BIRC6: variants seen among roughly 807,000 people sequenced by gnomAD.
BIRC6 encodes the protein baculoviral IAP repeat containing 6.
In BIRC6, 98 loss-of-function variants were observed where a neutral mutation model predicts 503.3. The observed-to-expected ratio is 0.19, with a 90% CI of 0.17 to 0.23. BIRC6 has a LOEUF of 0.23. Ranked by LOEUF, BIRC6 falls within the 10% of genes least tolerant of loss-of-function variation. BIRC6 has a pLI of 1.00. For missense variants in BIRC6, 5,360 were observed against 5,806.0 expected (o/e 0.92, Z 2.50); for synonymous variants, 2,240 against 2,078.7 (o/e 1.08, Z -2.11).
At chr2:32,518,181 C>G in intron 55 of BIRC6, 73 bp from the exon 56 acceptor site, 1 of 1,369,192 alleles carries the variant, frequency 7.3e-7, no homozygotes, top group Middle Eastern at 1.9e-4. Context: ...TTTTCTGTTT[C>G]CTTTTTATCT....
At chr2:32,439,376 C>G in intron 15 of BIRC6, 132 bp from the exon 16 acceptor site, 1 of 859,556 alleles carries the variant, frequency 1.2e-6, no homozygotes, top group Non-Finnish European at 1.8e-6. Flanking sequence ...TCTGCTCAAA[C>G]AGTATAATTT....
At chr2:32,594,251 A>C in intron 67 of BIRC6, 191 bp downstream of exon 67, 1 of 524,218 alleles carries the variant, frequency 1.9e-6, no homozygotes, top group South Asian at 3.4e-5. Context: ...ATTTTTAAAC[A>C]TTTCTACTAT....
chr2:32,561,840 G>A (rs996025367), intron 65 of BIRC6, among the ~76,000 whole-genome samples: 4 of 150,736 alleles, frequency 2.7e-5, no homozygotes, highest in Admixed American at 6.6e-5. Context: ...TCAGGAGTTC[G>A]AGACCAGCCT....
At chr2:32,390,544 A>G (rs1010810198) in intron 4 of BIRC6, among the ~76,000 whole-genome samples, 1 of 151,922 alleles carries the variant, frequency 6.6e-6, no homozygotes, top group African/African-American at 2.4e-5. Context: ...CGAACTCCTG[A>G]CCTCAAGGTG....
intron 21 of BIRC6, among the ~76,000 whole-genome samples, chr2:32,448,379 G>A (rs1460057592): frequency 1.4e-5 from 2 of 146,904 alleles, no homozygotes; most frequent in Admixed American, 6.8e-5. Flanking sequence ...CTGAGTGAAC[G>A]AGACTCCGTC....
Position 32,415,085 on chromosome 2 carries a change from G to C in BIRC6, c.1794G>C (p.Gln598His). 6.2e-7 allele frequency: 1 copy of C among 1,613,862 alleles called. No individual in the cohort carries two copies. The highest frequency in any genetic ancestry group is 8.5e-7 in the Non-Finnish European group (1 of 1,179,844). The change falls in exon 10 of 74, where the codon CAG (glutamine) becomes CAC (histidine). Residue 598 changes from glutamine to histidine, a missense_variant. Gln to His is a conservative substitution (Grantham distance 24). This residue lies in a region of BIRC6 where 700 missense variants were observed against 739.3 expected (regional missense o/e 0.95). Coordinates refer to ENST00000421745, the MANE Select transcript of BIRC6 (RefSeq NM_016252.4). ...HRSLDGLSRT[Q>H]GESISEQGST... ...CACTGGATGGTTTAAGCAGAACTCAGGGTGAAAGTATATCAGAACAAGGGT... is the reference window on the plus strand; with the variant it reads ...CACTGGATGGTTTAAGCAGAACTCACGGTGAAAGTATATCAGAACAAGGGT...
At chr2:32,561,885 T>C (rs1359027195) in intron 65 of BIRC6, among the ~76,000 whole-genome samples, 1 of 151,620 alleles carries the variant, frequency 6.6e-6, no homozygotes. Context: ...TTACTAAAAA[T>C]ACAAAAACTA....
At chr2:32,412,985 G>C (rs1243614850) in intron 9 of BIRC6, among the ~76,000 whole-genome samples, 2 of 151,504 alleles carry the variant, frequency 1.3e-5, no homozygotes, top group African/African-American at 4.8e-5. Flanking sequence ...AAATTGCCAA[G>C]AGAATATATT....
chr2:32,467,514 T>G lies in BIRC6; in HGVS notation c.5357-11T>G, dbSNP rs2048688976. The G allele has an allele frequency of 1.2e-6, 2 of 1,610,296 alleles. No homozygotes were observed. Among genetic ancestry groups the G allele is most frequent in the South Asian group, 2.2e-5 (2 of 90,800 alleles). On this transcript the variant is annotated splice_polypyrimidine_tract_variant and intron_variant, in intron 26 of 73. Coordinates refer to ENST00000421745, the MANE Select transcript of BIRC6 (RefSeq NM_016252.4). Reference sequence around the variant, plus strand: ...ATATTTTTGGTCAACTGTTTCTTCTTTCTCTCATAGGAGCAAGAAGATTTG... The same window carrying G: ...ATATTTTTGGTCAACTGTTTCTTCTGTCTCTCATAGGAGCAAGAAGATTTG...
At chr2:32,536,592 G>A (rs570240448) in intron 61 of BIRC6, among the ~76,000 whole-genome samples, 23 of 152,134 alleles carry the variant, frequency 1.5e-4, no homozygotes, top group African/African-American at 5.3e-4. Flanking sequence ...TTTTTCTCAG[G>A]TTTGTCAAAG....
At chr2:32,400,373 C>T (rs1360822355) in intron 6 of BIRC6, among the ~76,000 whole-genome samples, 2 of 140,066 alleles carry the variant, frequency 1.4e-5, no homozygotes, top group African/African-American at 2.7e-5. Context: ...GAGTCTCACT[C>T]CGTTGCCCAG....
chr2:32,535,754 T>C (rs920191201), intron 61 of BIRC6, among the ~76,000 whole-genome samples: 11 of 152,204 alleles, frequency 7.2e-5, no homozygotes, highest in South Asian at 2.1e-4. Flanking sequence ...TGAATAGTGC[T>C]GCAATAAACA....
chr2:32,430,118 T>C (rs1188874682), intron 11 of BIRC6, among the ~76,000 whole-genome samples: 3 of 152,186 alleles, frequency 2.0e-5, no homozygotes, highest in Non-Finnish European at 4.4e-5. Flanking sequence ...ATTAAACTTG[T>C]AATAATTTTA....
intron 70 of BIRC6, among the ~76,000 whole-genome samples, chr2:32,601,702 A>G (rs958362297): frequency 7.0e-4 from 107 of 152,250 alleles, no homozygotes; most frequent in African/African-American, 2.6e-3. Flanking sequence ...TGCCAGAAGA[A>G]CACATGTGAT....
At chr2:32,581,179 C>G (rs898919119) in intron 66 of BIRC6, among the ~76,000 whole-genome samples, 1 of 152,176 alleles carries the variant, frequency 6.6e-6, no homozygotes. Context: ...GGGTGAGACT[C>G]CATACATGTT....
intron 23 of BIRC6, among the ~76,000 whole-genome samples, chr2:32,460,510 C>A (rs1438040007): frequency 5.3e-5 from 8 of 151,534 alleles, no homozygotes; most frequent in Non-Finnish European, 8.8e-5. Flanking sequence ...TTCCGGACCT[C>A]AGGTGATCCA....
In BIRC6 at chr2:32,482,484, A is replaced by G. The variant is rs753086605; in HGVS notation, c.7598A>G (p.Tyr2533Cys). 1 of 1,613,888 alleles carries G rather than the reference A, an allele frequency of 6.2e-7. No homozygotes were observed. Among genetic ancestry groups the G allele is most frequent in the Admixed American group, 1.7e-5 (1 of 60,018 alleles). The change falls in exon 39 of 74, where the codon TAC becomes TGC. Residue 2533 changes from tyrosine to cysteine, a missense_variant. Tyr to Cys is a radical substitution (Grantham distance 194). Around this residue, in one of 16 missense-constraint regions of BIRC6, gnomAD observed 2,299 missense variants for 2,267.2 expected, o/e 1.01. Coordinates refer to ENST00000421745, the MANE Select transcript of BIRC6 (RefSeq NM_016252.4). ...GGTGCTGATTATGGGACCTACAATT[A>G]CAACCCTTACATTGGAGGTCTGGGA... ...YWGADYGTYN[Y>C]NPYIGGLGIP...
In BIRC6 at chr2:32,476,148, G is replaced by A. The variant is rs1264025737; in HGVS notation, c.6721-65G>A. On this transcript the variant is annotated intron_variant, in intron 33 of 73. Transcript: ENST00000421745. ...TTAGTTTGATGTATGAATTCTGTGAGGAGTATAATAATTTTTTTGTTTTTA... is the reference window on the plus strand; with the variant it reads ...TTAGTTTGATGTATGAATTCTGTGAAGAGTATAATAATTTTTTTGTTTTTA... 8.2e-6 allele frequency: 10 copies of A among 1,218,572 alleles called. No homozygotes were observed. The African/African-American group carries it at 1.4e-4, about 17-fold the overall frequency. 75.5% of individuals were successfully genotyped at this position (1,218,572 alleles called of 1,614,324 possible).
At chr2:32,412,636 T>TAACTA in intron 9 of BIRC6, among the ~76,000 whole-genome samples, 1 of 152,278 alleles carries the variant, frequency 6.6e-6, no homozygotes, top group East Asian at 1.9e-4. Flanking sequence ...GATACAGTTT[T>TAACTA]GGAACTTTTT....
Sources: gnomAD v4.1 joint callset for allele counts (sites outside exome capture counted in the v4.1 genomes callset) on GRCh38, gnomAD v4.1.1 for gene constraint, gnomAD v4.1.1 regional missense constraint, MANE v1.5 for transcripts, NCBI Gene and HGNC (gene_info 2026-07-23, HGNC 2026-07-21) for gene names.